The following MED13L variants were observed in gnomAD, a reference collection of about 807,000 sequenced individuals.
MED13L encodes the protein mediator of RNA polymerase II transcription subunit 13-like.
A neutral mutation model predicts 220.9 loss-of-function variants in MED13L; 7 were observed. That is an observed-to-expected ratio of 0.03 (90% CI 0.02 to 0.06). The LOEUF (loss-of-function observed/expected upper bound fraction) is 0.06. Ranked by LOEUF, MED13L falls within the 10% of genes least tolerant of loss-of-function variation. MED13L has a pLI of 1.00. For missense variants in MED13L, 1,965 were observed against 2,760.5 expected (o/e 0.71, Z 6.46); for synonymous variants, 1,011 against 1,015.2 (o/e 1.00, Z 0.08).
At position 116,276,961 on chromosome 12, in the gene MED13L, G is replaced by C. The variant is rs553720525; in HGVS notation, c.72+99C>G. The C allele has an allele frequency of 1.1e-5, 14 of 1,314,766 alleles. No homozygotes were observed. The Admixed American group carries it at 2.4e-4, about 23-fold the overall frequency. 81.4% of individuals were successfully genotyped at this position (1,314,766 alleles called of 1,614,324 possible). Reference sequence around the variant, plus strand: ...CGGCGGGGAGACGCGAGGGAGGGGCGAAGTCCCGGCGGCGGGAGGAGAAAG... The same window carrying C: ...CGGCGGGGAGACGCGAGGGAGGGGCCAAGTCCCGGCGGCGGGAGGAGAAAG... On this transcript the variant is annotated intron_variant, in intron 1 of 30. Transcript: ENST00000281928.
At chr12:116,135,257 T>C (rs1406796192) in intron 2 of MED13L, among the ~76,000 whole-genome samples, 1 of 152,194 alleles carries the variant, frequency 6.6e-6, no homozygotes, top group Non-Finnish European at 1.5e-5. Flanking sequence ...TCTCATTCAC[T>C]GGAACACTCG....
At chr12:115,987,339 C>T (rs1391052751) in intron 17 of MED13L, 51 bp from the exon 18 acceptor site, 2 of 1,491,860 alleles carry the variant, frequency 1.3e-6, no homozygotes, top group East Asian at 4.7e-5. Context: ...TAGCACCCTC[C>T]TCTTCCTCAC....
At chr12:116,168,290 C>T (rs1879429925) in intron 2 of MED13L, among the ~76,000 whole-genome samples, 1 of 151,242 alleles carries the variant, frequency 6.6e-6, no homozygotes, top group African/African-American at 2.4e-5. Context: ...TTTTATTTAA[C>T]TCCACGAATA....
Position 115,983,252 on chromosome 12 carries a change from A to G in MED13L, c.4820T>C (p.Phe1607Ser). Residue 1607 changes from phenylalanine (F) to serine (S), a missense_variant, in exon 21 of 31, where the codon TTC becomes TCC. Physicochemically the swap from Phe to Ser is radical, Grantham distance 155 (BLOSUM62 -2). Transcript: ENST00000281928. ...SQISTTSSSG[F>S]SGSVGGQNPS... Reference sequence around the variant, plus strand: ...GTTCTGCCCTCCAACACTACCACTGAATCCTGAAGAAGAGGTAGTGCTTAT... The same window carrying G: ...GTTCTGCCCTCCAACACTACCACTGGATCCTGAAGAAGAGGTAGTGCTTAT... 6.2e-7 allele frequency: 1 copy of G among 1,614,202 alleles called. No individual in the cohort carries two copies.
At chr12:116,090,954 G>C (rs1320812425) in intron 4 of MED13L, among the ~76,000 whole-genome samples, 1 of 151,694 alleles carries the variant, frequency 6.6e-6, no homozygotes, top group Non-Finnish European at 1.5e-5. Flanking sequence ...GTGAAATCCC[G>C]TCTCTACTAA....
chr12:116,104,057 C>T (rs1426435024), intron 3 of MED13L, among the ~76,000 whole-genome samples: 3 of 122,688 alleles, frequency 2.4e-5, no homozygotes, highest in African/African-American at 3.2e-5. Flanking sequence ...GTCGCCCAGA[C>T]TGGAGTGCAA....
intron 2 of MED13L, among the ~76,000 whole-genome samples, chr12:116,119,838 A>AAAATAT (rs1555213242): frequency 4.1e-4 from 13 of 31,592 alleles, no homozygotes; most frequent in South Asian, 2.3e-3. Context: ...AAAAAAAAAA[A>AAAATAT]ATATATATAT....
chr12:116,250,462 T>C (rs1871439310), intron 1 of MED13L, among the ~76,000 whole-genome samples: 1 of 151,604 alleles, frequency 6.6e-6, no homozygotes, highest in African/African-American at 2.4e-5. Flanking sequence ...TATAAATAAA[T>C]AAAAAATACT....
At chr12:116,061,603 C>A (rs1303644080) in intron 4 of MED13L, among the ~76,000 whole-genome samples, 3 of 152,132 alleles carry the variant, frequency 2.0e-5, no homozygotes, top group African/African-American at 7.2e-5. Context: ...CACCACAAAT[C>A]AGAATGAAAT....
intron 2 of MED13L, among the ~76,000 whole-genome samples, chr12:116,137,999 G>A (rs1198231823): frequency 6.6e-6 from 1 of 151,850 alleles, no homozygotes; most frequent in East Asian, 1.9e-4. Flanking sequence ...TGGGATTACA[G>A]GCGCCTGCCA....
chr12:116,008,850 G>A lies in MED13L; in HGVS notation c.1563C>T (p.Ser521=), dbSNP rs996717363. ...AGIDSSLEVS[S]SRKYDKQMAV... is the part of the protein sequence containing the mutation. ...CCATTTGCTTATCATATTTCCTACT[G>A]CTAGACACCTCTAAGGAGGAGTCTA... is the stretch of plus-strand genomic sequence containing the variant. The change falls in exon 10 of 31, where the codon AGC becomes AGT. Residue 521 remains serine, a synonymous_variant. Coordinates refer to ENST00000281928, the MANE Select transcript of MED13L (RefSeq NM_015335.5). The A allele has an allele frequency of 8.7e-6, 14 of 1,613,888 alleles. No homozygotes were observed. The Admixed American group carries it at 2.0e-4, about 23-fold the overall frequency.
intron 1 of MED13L, among the ~76,000 whole-genome samples, chr12:116,257,030 G>A (rs1408389466): frequency 1.3e-5 from 2 of 152,174 alleles, no homozygotes; most frequent in Non-Finnish European, 2.9e-5. Flanking sequence ...CTCCTGGTAA[G>A]TGTAAATCGT....
intron 2 of MED13L, among the ~76,000 whole-genome samples, chr12:116,121,552 G>A (rs1310697604): frequency 6.6e-6 from 1 of 152,150 alleles, no homozygotes; most frequent in Non-Finnish European, 1.5e-5. Context: ...AGGGTAGGGA[G>A]GAGCATAAAG....
At chr12:116,141,507 T>C (rs1278456300) in intron 2 of MED13L, among the ~76,000 whole-genome samples, 2 of 152,200 alleles carry the variant, frequency 1.3e-5, no homozygotes, top group Non-Finnish European at 2.9e-5. Flanking sequence ...AATAAAATAA[T>C]TGAGCAGTGC....
chr12:116,201,741 A>C lies in MED13L; in HGVS notation c.310+35727T>G, dbSNP rs1160899785. ...CATCCAAAGCTTTCTGCAGGTCTTC[A>C]AATGGATGAATGATCTGAAAAACCT... On this transcript the variant is annotated intron_variant, in intron 2 of 30. Coordinates refer to ENST00000281928, the MANE Select transcript of MED13L (RefSeq NM_015335.5). Among the ~76,000 whole-genome samples the C allele has an allele frequency of 2.0e-5, 3 of 152,224 alleles. No homozygotes were observed. In the East Asian group the frequency reaches 5.8e-4, roughly 29 times the overall value.
intron 4 of MED13L, among the ~76,000 whole-genome samples, chr12:116,031,694 A>AGAAAAGAAAAGAAAAGAAAAG (rs1592966620): frequency 1.4e-4 from 5 of 35,266 alleles, no homozygotes; most frequent in South Asian, 1.1e-3. Flanking sequence ...AGAAAAGAAA[A>AGAAAAGAAAAGAAAAGAAAAG]GAAAAGAAAA....
intron 26 of MED13L, among the ~76,000 whole-genome samples, chr12:115,971,808 G>T (rs1876604097): frequency 6.6e-6 from 1 of 152,030 alleles, no homozygotes; most frequent in Non-Finnish European, 1.5e-5. Flanking sequence ...AACAAACTGG[G>T]GTCAGGTAAC....
chr12:116,242,492 T>C (rs1364165346), intron 1 of MED13L, among the ~76,000 whole-genome samples: 1 of 152,208 alleles, frequency 6.6e-6, no homozygotes, highest in Non-Finnish European at 1.5e-5. Flanking sequence ...AAAAAGACAA[T>C]CCTTAATTAA....
chr12:116,267,984 T>A (rs529230036), intron 1 of MED13L, among the ~76,000 whole-genome samples: 4 of 152,290 alleles, frequency 2.6e-5, no homozygotes, highest in African/African-American at 9.6e-5. Flanking sequence ...ACAGAGTTAA[T>A]CATCAAAATA....
Sources: gnomAD v4.1 joint callset for allele counts (sites outside exome capture counted in the v4.1 genomes callset) on GRCh38, gnomAD v4.1.1 for gene constraint, MANE v1.5 for transcripts, NCBI Gene and HGNC (gene_info 2026-07-23, HGNC 2026-07-21) for gene names.